Variants in IFNAR2 observed in about 807,000 individuals in gnomAD.
IFNAR2 encodes interferon alpha and beta receptor subunit 2.
In IFNAR2, 30 loss-of-function variants were observed where a neutral mutation model predicts 49.4. The observed-to-expected ratio is 0.61, with a 90% CI of 0.45 to 0.82. The LOEUF is 0.82. Among genes scored for constraint, IFNAR2 ranks in the 40% least tolerant of loss-of-function variants. IFNAR2 has a pLI of 0.00. For missense variants in IFNAR2, 600 were observed against 622.7 expected, an observed-to-expected ratio of 0.96 and a Z score of 0.39; for synonymous variants, 224 against 234.5, an observed-to-expected ratio of 0.96 and a Z score of 0.41.
intron 8 of IFNAR2, among the ~76,000 whole-genome samples, chr21:33,261,661 G>A (rs1047514091): frequency 6.6e-6 from 1 of 151,998 alleles, no homozygotes; most frequent in Non-Finnish European, 1.5e-5. Flanking sequence ...GATCATTTGA[G>A]CCCAGGAGTT....
rs1022420488 is a variant in IFNAR2 at position 33,251,810 on chromosome 21, C to A, written c.541-852C>A. On this transcript the variant is annotated intron_variant, in intron 6 of 8. Transcript: ENST00000342136. Reference sequence around the variant, plus strand: ...GTGTTTAAAGGGAGATGGCTGGGCACAGTGGCTTACGCCTGTAATCCCAGC... The same window carrying A: ...GTGTTTAAAGGGAGATGGCTGGGCAAAGTGGCTTACGCCTGTAATCCCAGC... 19 of 979,088 alleles carry A rather than the reference C, an allele frequency of 1.9e-5. No individual in the cohort carries two copies. The African/African-American group carries it at 3.2e-4, about 16-fold the overall frequency. The allele number at this position is 979,088 out of a possible 1,614,324, so 60.7% of individuals were successfully genotyped here.
chr21:33,230,621 T>G lies in IFNAR2; in HGVS notation c.-84+405T>G. On this transcript the variant is annotated intron_variant, in intron 1 of 8. Transcript: ENST00000342136. This position sits in a 1 kb window ranked among gnomAD's most constrained non-coding sequence, Gnocchi z 5.5. ...GTCCACCCCGCCTTGCAAAACCGGC[T>G]CACCAGCTGGGTGCTCAGGTTCGGG... is the stretch of plus-strand genomic sequence containing the variant. The G allele has an allele frequency of 2.1e-6, 1 of 469,828 alleles. No homozygotes were observed. Among genetic ancestry groups the G allele is most frequent in the Non-Finnish European group, 4.4e-6 (1 of 226,338 alleles). 29.1% of individuals were successfully genotyped at this position (469,828 alleles called of 1,614,324 possible).
Position 33,260,663 on chromosome 21 carries a change from G to T in IFNAR2, c.776G>T (p.Ser259Ile), listed in dbSNP as rs973165486. ...TVFLIALVLT[S>I]TIVTLKWIGY... ...TTTTTGATAGCATTGGTCTTGACAAGCACCATAGTGACACTGAAATGGATT... is the reference window on the plus strand; with the variant it reads ...TTTTTGATAGCATTGGTCTTGACAATCACCATAGTGACACTGAAATGGATT... Residue 259 changes from serine to isoleucine, a missense_variant, in exon 8 of 9, where the codon AGC becomes ATC. By Grantham distance (142) the Ser-to-Ile change is moderately radical. Transcript: ENST00000342136. 11 of 1,603,538 alleles carry T rather than the reference G, an allele frequency of 6.9e-6. No individual in the cohort carries two copies. Among genetic ancestry groups the T allele is most frequent in the Non-Finnish European group, 9.3e-6 (11 of 1,177,694 alleles).
intron 4 of IFNAR2, among the ~76,000 whole-genome samples, chr21:33,245,611 T>C (rs1987339777): frequency 6.6e-6 from 1 of 152,228 alleles, no homozygotes; most frequent in African/African-American, 2.4e-5. Flanking sequence ...ATGCCTCTGC[T>C]GAGGGGTTGC....
chr21:33,233,268 C>T (rs1249851032), intron 1 of IFNAR2, among the ~76,000 whole-genome samples: 1 of 151,910 alleles, frequency 6.6e-6, no homozygotes. Context: ...TGAAAAGGGA[C>T]AAAGATTAAG....
At chr21:33,258,070 C>T (rs17860236) in intron 7 of IFNAR2, among the ~76,000 whole-genome samples, 3,411 of 152,146 alleles carry the variant, frequency 0.022, 144 homozygotes, top group African/African-American at 0.079. Flanking sequence ...TTTGGGGGGC[C>T]GAGCCAGGTG....
At chr21:33,231,810 T>G (rs369277753) in intron 1 of IFNAR2, 24 of 326,810 alleles carry the variant, frequency 7.3e-5, no homozygotes, top group African/African-American at 5.4e-4. Flanking sequence ...GGCACTGTCT[T>G]GGCTCACTGC....
intron 5 of IFNAR2, among the ~76,000 whole-genome samples, chr21:33,248,414 A>G (rs977913602): frequency 4.7e-5 from 7 of 149,220 alleles, no homozygotes; most frequent in South Asian, 2.2e-4. Flanking sequence ...GAGAGAGAGA[A>G]AGAGAAAAGA....
intron 7 of IFNAR2, 138 bp downstream of exon 7, chr21:33,252,968 T>A (rs1200490421): frequency 2.6e-6 from 2 of 757,972 alleles, no homozygotes; most frequent in Non-Finnish European, 4.7e-6. Flanking sequence ...CACAGAGATG[T>A]TTTCTGTTGG....
chr21:33,259,258 A>C lies in IFNAR2; in HGVS notation c.710-1339A>C, dbSNP rs17860242. Reference sequence around the variant, plus strand: ...CTGGTCCATCTTTCATGAAGAAGATAGTTAACAGCAGTAACATTCAATCAC... The same window carrying C: ...CTGGTCCATCTTTCATGAAGAAGATCGTTAACAGCAGTAACATTCAATCAC... On this transcript the variant is annotated intron_variant, in intron 7 of 8. Transcript: ENST00000342136. 2.0e-3 allele frequency among the ~76,000 whole-genome samples: 311 copies of C among 152,296 alleles called. 3 individuals are homozygous for C. The highest frequency in any genetic ancestry group is 7.4e-3 in the African/African-American group (306 of 41,562).
rs996992213 is a variant in IFNAR2, at chr21:33,252,102, A to G, written c.541-560A>G. 10 of 459,212 alleles carry G rather than the reference A, an allele frequency of 2.2e-5. No individual in the cohort carries two copies. The Admixed American group carries it at 2.5e-4, about 11-fold the overall frequency. 28.4% of individuals were successfully genotyped at this position (459,212 alleles called of 1,614,324 possible). On this transcript the variant is annotated intron_variant, in intron 6 of 8. Coordinates refer to ENST00000342136, the MANE Select transcript of IFNAR2 (RefSeq NM_001289125.3). ...CATCCATCTATCTATCTATCTATCT[A>G]TCTATCTATCTATCTATATCTGTCT... is the stretch of plus-strand genomic sequence containing the variant.
chr21:33,231,003 A>G (rs1986018308), intron 1 of IFNAR2, among the ~76,000 whole-genome samples: 1 of 141,798 alleles, frequency 7.1e-6, no homozygotes, highest in Admixed American at 6.8e-5. Context: ...CTTTCTTTTA[A>G]CATTTTTTTT....
chr21:33,245,515 G>A (rs1337726723), intron 4 of IFNAR2, among the ~76,000 whole-genome samples: 1 of 152,224 alleles, frequency 6.6e-6, no homozygotes, highest in Non-Finnish European at 1.5e-5. Flanking sequence ...AAGCTGCCTG[G>A]CCTAGTCTGG....
At chr21:33,247,206 C>T (rs547291290) in intron 5 of IFNAR2, among the ~76,000 whole-genome samples, 4 of 150,514 alleles carry the variant, frequency 2.7e-5, no homozygotes, top group East Asian at 1.9e-4. Flanking sequence ...CTGGATCTAG[C>T]GCTCTCATCT....
chr21:33,231,793 G>A (rs932979206), intron 1 of IFNAR2: 1 of 530,874 alleles, frequency 1.9e-6, no homozygotes, highest in Admixed American at 6.4e-5. Flanking sequence ...GCAGGCTGGA[G>A]TGCAGTGGCA....
Position 33,246,846 on chromosome 21 carries a change from C to A in IFNAR2, c.350C>A (p.Thr117Lys). The A allele has an allele frequency of 6.2e-7, 1 of 1,614,224 alleles. No individual in the cohort carries two copies. The highest frequency in any genetic ancestry group is 8.5e-7 in the Non-Finnish European group (1 of 1,180,032). The stretch of plus-strand genomic sequence containing the variant: ...GTCCTAGAAGGATTCAGCGGGAACA[C>A]AACGTTGTTCAGTTGCTCACACAAT... Reference protein sequence around the residue: ...VTVLEGFSGNTTLFSCSHNFW... With the variant: ...VTVLEGFSGNKTLFSCSHNFW... Residue 117 changes from threonine (T) to lysine (K), a missense_variant, in exon 5 of 9, where the codon ACA becomes AAA. Thr to Lys is a moderately conservative substitution (Grantham distance 78). Coordinates refer to ENST00000342136, the MANE Select transcript of IFNAR2 (RefSeq NM_001289125.3).
chr21:33,251,856 G>A, intron 6 of IFNAR2: 1 of 775,126 alleles, frequency 1.3e-6, no homozygotes, highest in Non-Finnish European at 1.6e-6. Context: ...GCCAAGGCAG[G>A]CAGATCGCTT....
intron 1 of IFNAR2, among the ~76,000 whole-genome samples, chr21:33,241,376 G>C (rs890726387): frequency 6.6e-6 from 1 of 152,084 alleles, no homozygotes; most frequent in East Asian, 1.9e-4. Context: ...TATAGTAGGG[G>C]TACTAATTAT....
chr21:33,229,997 C>G lies in IFNAR2; in HGVS notation c.-303C>G, dbSNP rs1156243037. 5.1e-6 allele frequency: 5 copies of G among 984,676 alleles called. No homozygotes were observed. The South Asian group carries it at 1.9e-4, about 37-fold the overall frequency. The allele number at this position is 984,676 out of a possible 1,614,324, so 61.0% of individuals were successfully genotyped here. On this transcript the variant is annotated 5_prime_UTR_variant, in exon 1 of 9. Coordinates refer to ENST00000342136, the MANE Select transcript of IFNAR2 (RefSeq NM_001289125.3). Reference sequence around the variant, plus strand: ...CACCCGCACTAAAGACGCTTCTTCCCGGCGGGTAGGAATCCCGCCGGCGAG... The same window carrying G: ...CACCCGCACTAAAGACGCTTCTTCCGGGCGGGTAGGAATCCCGCCGGCGAG...
Sources: gnomAD v4.1 joint callset for allele counts (sites outside exome capture counted in the v4.1 genomes callset) on GRCh38, gnomAD v4.1.1 for gene constraint, Gnocchi (gnomAD v3.1) non-coding constraint, MANE v1.5 for transcripts, NCBI Gene and HGNC (gene_info 2026-07-23, HGNC 2026-07-21) for gene names.